The following NTM variants were observed in gnomAD, a reference collection of about 807,000 sequenced individuals.
NTM encodes neurotrimin, also known as IgLON family member 2.
NTM carries 13 observed loss-of-function variants against 42.1 expected under a neutral mutation model. The ratio of observed to expected loss-of-function variants is 0.31; its 90% CI spans 0.20 to 0.49. The LOEUF (loss-of-function observed/expected upper bound fraction) is 0.49. Among genes scored for constraint, NTM ranks in the 20% least tolerant of loss-of-function variants. NTM has a pLI of 0.99. For synonymous variants in NTM, 187 were observed against 179.2 expected, an observed-to-expected ratio of 1.04 and a Z score of -0.35; for missense variants, 373 against 452.8, an observed-to-expected ratio of 0.82 and a Z score of 1.60.
At chr11:131,577,785 T>G (rs2058061477) in intron 1 of NTM, among the ~76,000 whole-genome samples, 1 of 152,212 alleles carries the variant, frequency 6.6e-6, no homozygotes, top group African/African-American at 2.4e-5. Context: ...GGATTAATAG[T>G]GATTTCCTAC....
At chr11:131,560,771 A>G (rs1377871844) in intron 1 of NTM, among the ~76,000 whole-genome samples, 1 of 152,206 alleles carries the variant, frequency 6.6e-6, no homozygotes, top group Non-Finnish European at 1.5e-5. Context: ...TATTTGTTGA[A>G]TCTATTACTT....
At chr11:131,750,364 G>A (rs184633255) in intron 1 of NTM, among the ~76,000 whole-genome samples, 41 of 152,284 alleles carry the variant, frequency 2.7e-4, no homozygotes, top group Non-Finnish European at 2.9e-5. Context: ...TCATTGCCAG[G>A]CAAAGTGTCA....
At chr11:131,650,734 G>A (rs1160135821) in intron 1 of NTM, among the ~76,000 whole-genome samples, 1 of 151,912 alleles carries the variant, frequency 6.6e-6, no homozygotes, top group Non-Finnish European at 1.5e-5. Context: ...CAGAGGAAAT[G>A]AGCTTAAACT....
chr11:131,425,221 G>A (rs1436414082), intron 1 of NTM, among the ~76,000 whole-genome samples: 1 of 152,126 alleles, frequency 6.6e-6, no homozygotes, highest in African/African-American at 2.4e-5. Flanking sequence ...ACCTCTTGGA[G>A]TGTTTGTTTT....
chr11:131,525,919 G>C (rs87676), intron 1 of NTM, among the ~76,000 whole-genome samples: 5 of 152,008 alleles, frequency 3.3e-5, no homozygotes, highest in African/African-American at 1.2e-4. Flanking sequence ...ACAAGTAAAC[G>C]TTTCTATGCT....
chr11:132,133,210 T>G (rs1205957669), intron 2 of NTM, among the ~76,000 whole-genome samples: 1 of 152,228 alleles, frequency 6.6e-6, no homozygotes, highest in Non-Finnish European at 1.5e-5. Flanking sequence ...GAAACTTCAC[T>G]TCTACAAGCC....
At position 131,911,084 on chromosome 11, in the gene NTM, T is replaced by A. The variant is rs1592767551; in HGVS notation, c.83-480T>A. On this transcript the variant is annotated intron_variant, in intron 1 of 8. Coordinates refer to ENST00000683400, the MANE Select transcript of NTM (RefSeq NM_001352005.2). ...GGGTAGCTGGATGAAGCCCACCCCG[T>A]CCCCTTCTGGTACCAAAGTGCTTAC... The A allele has an allele frequency of 1.3e-5, 15 of 1,129,364 alleles. No individual in the cohort carries two copies. In the South Asian group the frequency reaches 3.1e-4, roughly 23 times the overall value. The allele number at this position is 1,129,364 out of a possible 1,614,324, so 70.0% of individuals were successfully genotyped here. A position where few individuals can be genotyped will look rare whatever the true frequency, so the allele number is the denominator to read the frequency against.
chr11:131,779,513 A>G lies in NTM; in HGVS notation c.83-132051A>G, dbSNP rs117589002. On this transcript the variant is annotated intron_variant, in intron 1 of 8. Transcript: ENST00000683400. The stretch of plus-strand genomic sequence containing the variant: ...AGATGGTGTCCTTGCCACCAATGAT[A>G]TAACATAGTCTGTGCCGTTTATTTT... Among the ~76,000 whole-genome samples the G allele has an allele frequency of 8.3e-3, 1,259 of 152,308 alleles. 9 individuals are homozygous for G. The highest frequency in any genetic ancestry group is 0.041 in the Middle Eastern group (12 of 294).
chr11:131,882,296 G>A (rs1220910590), intron 1 of NTM, among the ~76,000 whole-genome samples: 1 of 152,214 alleles, frequency 6.6e-6, no homozygotes, highest in Non-Finnish European at 1.5e-5. Flanking sequence ...CAACGGGGAA[G>A]AGCTGGTGTC....
chr11:132,087,361 G>A (rs750648501), intron 2 of NTM, among the ~76,000 whole-genome samples: 3 of 152,140 alleles, frequency 2.0e-5, no homozygotes, highest in Non-Finnish European at 4.4e-5. Context: ...AGGAGGCTTG[G>A]CTTAATCAGC....
chr11:132,323,352 T>C lies in NTM; in HGVS notation c.935-6801T>C, dbSNP rs369063112. Among the ~76,000 whole-genome samples, 411 of 151,740 alleles carry C rather than the reference T, an allele frequency of 2.7e-3. 2 individuals carry two copies. The highest frequency in any genetic ancestry group is 9.2e-3 in the African/African-American group (378 of 41,276). Reference sequence around the variant, plus strand: ...AAAATGATAAAGGGGATATCACCACTGATCCCACAGAAATACAAACTACCA... The same window carrying C: ...AAAATGATAAAGGGGATATCACCACCGATCCCACAGAAATACAAACTACCA... On this transcript the variant is annotated intron_variant, in intron 7 of 8. Coordinates refer to ENST00000683400, the MANE Select transcript of NTM (RefSeq NM_001352005.2).
At chr11:132,159,524 C>T (rs548993078) in intron 3 of NTM, among the ~76,000 whole-genome samples, 1 of 152,070 alleles carries the variant, frequency 6.6e-6, no homozygotes, top group South Asian at 2.1e-4. Context: ...TTTGTGTGAA[C>T]AAAGGGTAAA....
At chr11:131,389,424 A>C (rs1467808504) in intron 1 of NTM, among the ~76,000 whole-genome samples, 1 of 152,084 alleles carries the variant, frequency 6.6e-6, no homozygotes, top group Non-Finnish European at 1.5e-5. Context: ...CGGCAGAAGA[A>C]ATTTCAGGAT....
intron 1 of NTM, among the ~76,000 whole-genome samples, chr11:131,789,638 AGAAGAAGAAGAAGAAGAAGAAGAAGAAG>A (rs1565553137): frequency 4.2e-5 from 5 of 119,688 alleles, no homozygotes; most frequent in African/African-American, 1.6e-4. Flanking sequence ...GAAGAAGAAA[AGAAGAAGAAGAAGAAGAAGAAGAAGAAG>A]AAAGCATGGG....
chr11:132,112,685 T>A (rs1260811617), intron 2 of NTM, among the ~76,000 whole-genome samples: 1 of 150,788 alleles, frequency 6.6e-6, no homozygotes, highest in Non-Finnish European at 1.5e-5. Context: ...AATGCTGTTT[T>A]GGTCTAACAC....
At chr11:131,515,021 G>T (rs1471929046) in intron 1 of NTM, among the ~76,000 whole-genome samples, 1 of 152,082 alleles carries the variant, frequency 6.6e-6, no homozygotes, top group East Asian at 1.9e-4. Context: ...CGATCCTCCT[G>T]CCTCAACCTC....
intron 1 of NTM, among the ~76,000 whole-genome samples, chr11:131,565,870 C>T (rs1171353786): frequency 6.6e-6 from 1 of 152,142 alleles, no homozygotes; most frequent in African/African-American, 2.4e-5. Flanking sequence ...CTAGCATTCT[C>T]AAGGGAGAAT....
At chr11:131,917,565 A>G (rs2056586198) in intron 2 of NTM, among the ~76,000 whole-genome samples, 2 of 152,220 alleles carry the variant, frequency 1.3e-5, no homozygotes, top group Admixed American at 1.3e-4. Context: ...CAGGGAAATT[A>G]GCATTTTCAA....
At chr11:131,989,697 A>G (rs1191206187) in intron 2 of NTM, among the ~76,000 whole-genome samples, 1 of 148,528 alleles carries the variant, frequency 6.7e-6, no homozygotes, top group Non-Finnish European at 1.5e-5. Flanking sequence ...AGTTATATAC[A>G]CATGCATATT....
Sources: gnomAD v4.1 joint callset for allele counts (sites outside exome capture counted in the v4.1 genomes callset) on GRCh38, gnomAD v4.1.1 for gene constraint, MANE v1.5 for transcripts, NCBI Gene and HGNC (gene_info 2026-07-23, HGNC 2026-07-21) for gene names.